The following SLC7A7 variants were observed in gnomAD, a reference collection of about 807,000 sequenced individuals.
The protein encoded by SLC7A7 is solute carrier family 7 member 7, also known as Y+L amino acid transporter 1.
Under a neutral mutation model 47.9 loss-of-function variants are expected in SLC7A7, and 39 were observed. That is an observed-to-expected ratio of 0.81 (90% confidence interval 0.63 to 1.06). The LOEUF (loss-of-function observed/expected upper bound fraction) is 1.06. Among genes scored for constraint, SLC7A7 ranks in the 50% least tolerant of loss-of-function variants. The pLI is 0.00. For missense variants in SLC7A7, 588 were observed against 632.0 expected (o/e 0.93, Z 0.75); for synonymous variants, 234 against 242.8 (o/e 0.96, Z 0.34).
At chr14:22,789,118 A>G (rs1342797013) in intron 2 of SLC7A7, among the ~76,000 whole-genome samples, 1 of 152,174 alleles carries the variant, frequency 6.6e-6, no homozygotes, top group South Asian at 2.1e-4. Flanking sequence ...TTCTGCTCGT[A>G]CTTCACTAAC....
rs8013531 is a variant in SLC7A7, at chr14:22,778,478, T to C, written c.770+315A>G. Among the ~76,000 whole-genome samples, 75,365 of 152,044 alleles carry C rather than the reference T, an allele frequency of 0.5. 19,410 individuals carry two copies. Among genetic ancestry groups the C allele is most frequent in the Non-Finnish European group, 0.58 (39,707 of 67,984 alleles). ...TATGTGGGGATAAGGGTGGATAAAA[T>C]ATCTATCAAGGAAAATCTGTTTTAA... On this transcript the variant is annotated intron_variant, in intron 4 of 9. Coordinates refer to ENST00000674313, the MANE Select transcript of SLC7A7 (RefSeq NM_003982.4).
intron 2 of SLC7A7, among the ~76,000 whole-genome samples, chr14:22,791,217 C>A (rs1045638202): frequency 3.0e-4 from 45 of 152,094 alleles, no homozygotes; most frequent in Non-Finnish European, 6.3e-4. Flanking sequence ...AATTTCCATT[C>A]TAAAGCCTTA....
At chr14:22,788,030 G>A (rs550108312) in intron 2 of SLC7A7, among the ~76,000 whole-genome samples, 89 of 151,462 alleles carry the variant, frequency 5.9e-4, no homozygotes, top group African/African-American at 1.9e-3. Context: ...CCGAGATCGC[G>A]CCACCGCACT....
intron 2 of SLC7A7, among the ~76,000 whole-genome samples, chr14:22,811,260 G>A (rs11848632): frequency 0.019 from 2,935 of 152,306 alleles, 101 homozygotes; most frequent in African/African-American, 0.067. Flanking sequence ...GTGAGCCAAT[G>A]AGCAATTGCA....
chr14:22,805,719 GT>G (rs1232339555), intron 2 of SLC7A7, among the ~76,000 whole-genome samples: 1 of 152,106 alleles, frequency 6.6e-6, no homozygotes, highest in African/African-American at 2.4e-5. Context: ...CATGGCACAT[GT>G]TTACCTATGT....
intron 2 of SLC7A7, 102 bp from the exon 3 acceptor site, chr14:22,780,153 C>A (rs2038693366): frequency 6.5e-7 from 1 of 1,528,848 alleles, no homozygotes; most frequent in Non-Finnish European, 9.0e-7. Context: ...TATATATACC[C>A]TTCAGCCAAA....
intron 2 of SLC7A7, among the ~76,000 whole-genome samples, chr14:22,798,044 C>G (rs903688896): frequency 1.3e-5 from 2 of 152,202 alleles, no homozygotes; most frequent in Admixed American, 1.3e-4. Flanking sequence ...GCCTGTAATC[C>G]CAGCAATTTG....
At position 22,815,351 on chromosome 14, in the gene SLC7A7, G is replaced by T. The variant is rs775770555; in HGVS notation, c.-74C>A. 22 of 454,548 alleles carry T rather than the reference G, an allele frequency of 4.8e-5. No individual in the cohort carries two copies. The highest frequency in any genetic ancestry group is 3.4e-4 in the South Asian group (22 of 64,472). The allele number at this position is 454,548 out of a possible 1,614,324, so 28.2% of individuals were successfully genotyped here. ...GTCCTGGATATAAGCAGGTTCTCAC[G>T]GCAGTGTGAGCAGCAGTCAGGGAGA... On this transcript the variant is annotated 5_prime_UTR_variant, in exon 1 of 10. Transcript: ENST00000674313.
At chr14:22,795,216 G>A (rs2038991158) in intron 2 of SLC7A7, among the ~76,000 whole-genome samples, 1 of 150,122 alleles carries the variant, frequency 6.7e-6, no homozygotes, top group African/African-American at 2.4e-5. Flanking sequence ...GAGTAGCTGG[G>A]ACTACAGGCA....
intron 4 of SLC7A7, among the ~76,000 whole-genome samples, chr14:22,777,143 A>C (rs917738055): frequency 2.8e-5 from 1 of 35,222 alleles, no homozygotes; most frequent in Non-Finnish European, 5.6e-5. Flanking sequence ...GACCCTGTCT[A>C]AAAAAAAAAA....
intron 2 of SLC7A7, among the ~76,000 whole-genome samples, chr14:22,796,935 C>T (rs2039030865): frequency 6.6e-6 from 1 of 152,190 alleles, no homozygotes; most frequent in South Asian, 2.1e-4. Context: ...CATCCAAAGA[C>T]AGCATGCGGA....
intron 2 of SLC7A7, among the ~76,000 whole-genome samples, chr14:22,783,773 C>T (rs1029060981): frequency 2.0e-5 from 3 of 152,138 alleles, no homozygotes; most frequent in African/African-American, 7.2e-5. Flanking sequence ...CCCACCTCCC[C>T]CACTCCTGAG....
At chr14:22,813,789 A>ATTT (rs34654418) in intron 1 of SLC7A7, among the ~76,000 whole-genome samples, 10,225 of 96,176 alleles carry the variant, frequency 0.11, 1,203 homozygotes, top group East Asian at 0.36. Flanking sequence ...CGCGTGGCTA[A>ATTT]TTTTTTTTTT....
intron 2 of SLC7A7, among the ~76,000 whole-genome samples, chr14:22,795,676 T>C (rs1165019221): frequency 1.3e-5 from 2 of 151,422 alleles, no homozygotes; most frequent in Non-Finnish European, 2.9e-5. Context: ...GGTTTCACCA[T>C]GTTAGCCAGG....
At chr14:22,806,264 C>T (rs1484921027) in intron 2 of SLC7A7, among the ~76,000 whole-genome samples, 3 of 128,488 alleles carry the variant, frequency 2.3e-5, no homozygotes, top group African/African-American at 9.2e-5. Flanking sequence ...GGTGCAATCT[C>T]GGCTCACTGC....
At chr14:22,785,725 T>A (rs1394908131) in intron 2 of SLC7A7, among the ~76,000 whole-genome samples, 8 of 101,878 alleles carry the variant, frequency 7.9e-5, no homozygotes, top group Admixed American at 1.1e-4. Context: ...AAACTCCATC[T>A]CAAAAAAAAA....
At chr14:22,812,270 G>A (rs376216371) in intron 2 of SLC7A7, among the ~76,000 whole-genome samples, 1 of 151,848 alleles carries the variant, frequency 6.6e-6, no homozygotes, top group African/African-American at 2.4e-5. Flanking sequence ...GGGTTCAAGC[G>A]ATTCTCCTGC....
rs918848743 is a variant in SLC7A7, at chr14:22,788,597, A to G, written c.500-8546T>C. Among the ~76,000 whole-genome samples, 349 of 151,220 alleles carry G rather than the reference A, an allele frequency of 2.3e-3. 2 individuals carry two copies. The highest frequency in any genetic ancestry group is 7.3e-3 in the African/African-American group (300 of 41,182). On this transcript the variant is annotated intron_variant, in intron 2 of 9. Coordinates refer to ENST00000674313, the MANE Select transcript of SLC7A7 (RefSeq NM_003982.4). Reference sequence around the variant, plus strand: ...CGGGCACCTGTCATCCCAGCTACTCAGGAGGCTGAGGCAGGAGAATCGCTT... The same window carrying G: ...CGGGCACCTGTCATCCCAGCTACTCGGGAGGCTGAGGCAGGAGAATCGCTT...
intron 2 of SLC7A7, among the ~76,000 whole-genome samples, chr14:22,797,132 T>G (rs993919938): frequency 6.6e-6 from 1 of 152,310 alleles, no homozygotes. Flanking sequence ...GGTCAGGCAG[T>G]GACTAGCTCC....
Sources: gnomAD v4.1 joint callset for allele counts (sites outside exome capture counted in the v4.1 genomes callset) on GRCh38, gnomAD v4.1.1 for gene constraint, MANE v1.5 for transcripts, NCBI Gene and HGNC (gene_info 2026-07-23, HGNC 2026-07-21) for gene names.